The following PTBP2 variants were observed in gnomAD, a reference collection of about 807,000 sequenced individuals.
PTBP2 encodes the protein polypyrimidine tract binding protein 2.
Under a neutral mutation model 61.4 loss-of-function variants are expected in PTBP2, and 13 were observed. That is an observed-to-expected ratio of 0.21 (90% CI 0.14 to 0.34). The LOEUF (loss-of-function observed/expected upper bound fraction) is 0.34, where lower values mean the gene tolerates loss of function less well. Among genes scored for constraint, PTBP2 ranks in the 10% least tolerant of loss-of-function variants. PTBP2 has a pLI of 1.00. For synonymous variants in PTBP2, 215 were observed against 218.5 expected (o/e 0.98, Z 0.14); for missense variants, 405 against 642.6 (o/e 0.63, Z 4.00).
chr1:96,732,374 T>C (rs965105764), intron 2 of PTBP2, among the ~76,000 whole-genome samples: 10 of 152,222 alleles, frequency 6.6e-5, no homozygotes, highest in Admixed American at 5.9e-4. Flanking sequence ...AGAATTTCAA[T>C]TAACAGATAT....
Position 96,777,629 on chromosome 1 carries a change from A to C in PTBP2, c.477A>C (p.Ala159=), listed in dbSNP as rs770807487. 6.2e-7 allele frequency: 1 copy of C among 1,613,512 alleles called. No individual in the cohort carries two copies. The highest frequency in any genetic ancestry group is 8.5e-7 in the Non-Finnish European group (1 of 1,179,664). Reference sequence around the variant, plus strand: ...AAGCTGTGACAGCTGTCCAGACAGCAAATACTCCTCTTAGTGGCACCACAG... The same window carrying C: ...AAGCTGTGACAGCTGTCCAGACAGCCAATACTCCTCTTAGTGGCACCACAG... ...VLQAVTAVQT[A]NTPLSGTTVS... is the part of the protein sequence containing the mutation. The change falls in exon 6 of 14, where the codon GCA becomes GCC. Residue 159 remains alanine (A), a synonymous_variant. Coordinates refer to ENST00000674951, the MANE Select transcript of PTBP2 (RefSeq NM_021190.4).
rs1360738570 is a variant in PTBP2 at position 96,814,596 on chromosome 1, A to G, written c.*1191A>G. On this transcript the variant is annotated 3_prime_UTR_variant, in exon 14 of 14. Transcript: ENST00000674951. ...AAATTAATTTGAACAGTTCTTGTCA[A>G]TCCGAATTGTTGATTCTGTTTAAAT... The G allele has an allele frequency of 1.3e-5, 2 of 152,526 alleles. No homozygotes were observed. The highest frequency in any genetic ancestry group is 2.9e-5 in the Non-Finnish European group (2 of 67,970). The allele number at this position is 152,526 out of a possible 1,614,324, so 9.4% of individuals were successfully genotyped here. A position where few individuals can be genotyped will look rare whatever the true frequency, so the allele number is the denominator to read the frequency against.
At position 96,724,106 on chromosome 1, in the gene PTBP2, A is replaced by G. The variant is rs192221550; in HGVS notation, c.39+512A>G. Among the ~76,000 whole-genome samples the G allele has an allele frequency of 3.2e-4, 49 of 152,322 alleles. 1 individual carries two copies. The highest frequency in any genetic ancestry group is 8.5e-4 in the Admixed American group (13 of 15,308). ...TTAGAAGTTAAGAGCTGGTTTGTCT[A>G]TTAAAGAAAGTCTTTATGGTAGAGA... On this transcript the variant is annotated intron_variant, in intron 2 of 13. Transcript: ENST00000674951.
At position 96,806,931 on chromosome 1, in the gene PTBP2, A is replaced by G. The variant is rs985054608; in HGVS notation, c.1144A>G (p.Met382Val). The G allele has an allele frequency of 6.2e-7, 1 of 1,610,308 alleles. No individual in the cohort carries two copies. Among genetic ancestry groups the G allele is most frequent in the Non-Finnish European group, 8.5e-7 (1 of 1,178,742 alleles). ...YNKKDSALIQ[M>V]ADGNQSQLAM... is the part of the protein sequence containing the mutation. ...TAAGAAAGACAGCGCTCTAATACAG[A>G]TGGCTGATGGAAACCAATCACAACT... is the stretch of plus-strand genomic sequence containing the variant. Residue 382 changes from methionine (M) to valine (V), a missense_variant, in exon 11 of 14, where the codon ATG becomes GTG. Transcript: ENST00000674951.
intron 3 of PTBP2, among the ~76,000 whole-genome samples, chr1:96,754,850 A>G (rs1384827210): frequency 6.6e-6 from 1 of 152,164 alleles, no homozygotes; most frequent in African/African-American, 2.4e-5. Flanking sequence ...GCATATGAAA[A>G]TTAACTCCAA....
rs144887067 is a variant in PTBP2, at chr1:96,749,703, G to A, written c.40-1722G>A. On this transcript the variant is annotated intron_variant, in intron 2 of 13. Coordinates refer to ENST00000674951, the MANE Select transcript of PTBP2 (RefSeq NM_021190.4). ...GTTAATAACGTAATTCACTTACTTAGTCAATAAATATGTGGGGACATTGTA... is the reference window on the plus strand; with the variant it reads ...GTTAATAACGTAATTCACTTACTTAATCAATAAATATGTGGGGACATTGTA... The A allele has an allele frequency of 1.5e-5, 7 of 455,072 alleles. No individual in the cohort carries two copies. The East Asian group carries it at 4.9e-4, about 32-fold the overall frequency. The allele number at this position is 455,072 out of a possible 1,614,324, so 28.2% of individuals were successfully genotyped here.
chr1:96,760,992 C>T lies in PTBP2; in HGVS notation c.116-8711C>T, dbSNP rs115420729. On this transcript the variant is annotated intron_variant, in intron 3 of 13. Transcript: ENST00000674951. ...ACAAAAGAATGGTTAGTAGTACATG[C>T]GAAAACATGGGTGAATAGTAAGCAT... 7.4e-3 allele frequency among the ~76,000 whole-genome samples: 1,122 copies of T among 152,104 alleles called. 8 individuals carry two copies. The highest frequency in any genetic ancestry group is 0.012 in the Non-Finnish European group (846 of 67,984).
Position 96,762,516 on chromosome 1 carries a change from C to T in PTBP2, c.116-7187C>T, listed in dbSNP as rs552730601. On this transcript the variant is annotated intron_variant, in intron 3 of 13. Transcript: ENST00000674951. ...GGGCTGACCCCCGCCACCTCCCTCC[C>T]GGACGGGGCGGCTGGCCGGGCTGGG... Among the ~76,000 whole-genome samples the T allele has an allele frequency of 5.0e-3, 723 of 144,034 alleles. 8 individuals are homozygous for T. The highest frequency in any genetic ancestry group is 0.019 in the Middle Eastern group (5 of 258). 94.5% of individuals were successfully genotyped at this position (144,034 alleles called of 152,430 possible). A position where few individuals can be genotyped will look rare whatever the true frequency, so the allele number is the denominator to read the frequency against.
At chr1:96,819,255 C>A (rs764175452), downstream of PTBP2, 4 of 151,928 alleles carry the variant, frequency 2.6e-5, no homozygotes, top group South Asian at 4.1e-4. Flanking sequence ...AATGCCTAAG[C>A]CTTACTGAAT....
chr1:96,798,891 T>C (rs533778996), intron 8 of PTBP2, among the ~76,000 whole-genome samples: 8 of 152,324 alleles, frequency 5.3e-5, no homozygotes, highest in African/African-American at 1.4e-4. Context: ...AGCTAAAAAT[T>C]ATAGATACAA....
intron 5 of PTBP2, among the ~76,000 whole-genome samples, chr1:96,771,732 T>A (rs758932440): frequency 1.3e-5 from 2 of 152,214 alleles, no homozygotes; most frequent in Non-Finnish European, 2.9e-5. Flanking sequence ...TTTGCATTTT[T>A]AACTTATTTT....
chr1:96,820,421 T>C (rs1362957985), exon 14 of PTBP2: 1 of 152,134 alleles, frequency 6.6e-6, no homozygotes, highest in East Asian at 1.9e-4. Context: ...AATTTAAGCA[T>C]AATGTGAATT....
At chr1:96,733,415 A>G (rs1283384393) in intron 2 of PTBP2, among the ~76,000 whole-genome samples, 1 of 152,210 alleles carries the variant, frequency 6.6e-6, no homozygotes, top group Non-Finnish European at 1.5e-5. Context: ...ATGGTGGCTC[A>G]CACCTGTAAT....
chr1:96,779,303 C>G (rs1437528481), intron 7 of PTBP2, among the ~76,000 whole-genome samples: 1 of 152,042 alleles, frequency 6.6e-6, no homozygotes, highest in Non-Finnish European at 1.5e-5. Flanking sequence ...ACATTTTTCA[C>G]AACTTCAAAC....
In PTBP2 at chr1:96,812,732, C is replaced by A; in HGVS notation, c.1192C>A (p.Gln398Lys). Residue 398 changes from glutamine to lysine, a missense_variant, in exon 12 of 14, where the codon CAG becomes AAG. By Grantham distance (53) the Gln-to-Lys change is moderately conservative (BLOSUM62 1). Around this residue, in one of 4 missense-constraint regions of PTBP2, gnomAD observed 342 missense variants for 491.2 expected, o/e 0.70. Coordinates refer to ENST00000674951, the MANE Select transcript of PTBP2 (RefSeq NM_021190.4). ...SQLAMNHLNGQKMYGKIIRVT... is the reference protein window; with the variant it reads ...SQLAMNHLNGKKMYGKIIRVT... ...TATAGCCATGAATCATCTTAATGGACAGAAAATGTATGGAAAAATTATTCG... is the reference window on the plus strand; with the variant it reads ...TATAGCCATGAATCATCTTAATGGAAAGAAAATGTATGGAAAAATTATTCG... 2 of 1,598,242 alleles carry A rather than the reference C, an allele frequency of 1.3e-6. No individual in the cohort carries two copies. Among genetic ancestry groups the A allele is most frequent in the Non-Finnish European group, 1.7e-6 (2 of 1,166,070 alleles).
intron 2 of PTBP2, among the ~76,000 whole-genome samples, chr1:96,739,458 C>T (rs1339474682): frequency 6.6e-6 from 1 of 151,884 alleles, no homozygotes; most frequent in Non-Finnish European, 1.5e-5. Context: ...TTTAAAACTC[C>T]CTCTTTTGTC....
intron 2 of PTBP2, among the ~76,000 whole-genome samples, chr1:96,728,016 A>G (rs953027406): frequency 6.6e-6 from 1 of 151,932 alleles, no homozygotes; most frequent in African/African-American, 2.4e-5. Context: ...TAGAGACAGG[A>G]CCTGACTCTG....
At chr1:96,722,209 A>T (rs1159451580) in intron 1 of PTBP2, among the ~76,000 whole-genome samples, 1 of 151,974 alleles carries the variant, frequency 6.6e-6, no homozygotes, top group East Asian at 1.9e-4. Context: ...TCTAGGAGCC[A>T]TTTCGATCCG....
chr1:96,740,285 A>C (rs1253645643), intron 2 of PTBP2, among the ~76,000 whole-genome samples: 3 of 152,190 alleles, frequency 2.0e-5, no homozygotes, highest in Non-Finnish European at 4.4e-5. Flanking sequence ...CAGCAAGGCA[A>C]CTTTCCTTCT....
Sources: allele counts gnomAD v4.1 joint callset (sites outside exome capture counted in the v4.1 genomes callset), GRCh38; gene constraint gnomAD v4.1.1; regional missense constraint gnomAD v4.1.1; transcripts MANE v1.5; gene names NCBI Gene and HGNC (gene_info 2026-07-23, HGNC 2026-07-21).